The following SIPA1L2 variants were observed in gnomAD, a reference collection of about 807,000 sequenced individuals.
SIPA1L2 encodes signal induced proliferation associated 1 like 2.
In SIPA1L2, 56 loss-of-function variants were observed where a neutral mutation model predicts 163.9. That is an observed-to-expected ratio of 0.34 (90% CI 0.28 to 0.43). The LOEUF is 0.43. SIPA1L2 is among the 20% of genes least tolerant of loss of function. The pLI, the probability that SIPA1L2 is intolerant of heterozygous loss-of-function variation, is 1.00. For synonymous variants in SIPA1L2, 877 were observed against 865.7 expected, an observed-to-expected ratio of 1.01 and a Z score of -0.23; for missense variants, 1,974 against 2,193.5, an observed-to-expected ratio of 0.90 and a Z score of 2.00.
At chr1:232,610,034 C>T (rs887602078) in intron 1 of SIPA1L2, among the ~76,000 whole-genome samples, 2 of 152,072 alleles carry the variant, frequency 1.3e-5, no homozygotes, top group African/African-American at 4.8e-5. Context: ...CTTTATTCAT[C>T]TCTGATATGC....
At chr1:232,450,314 T>C (rs1663495839) in intron 10 of SIPA1L2, among the ~76,000 whole-genome samples, 1 of 152,254 alleles carries the variant, frequency 6.6e-6, no homozygotes, top group Non-Finnish European at 1.5e-5. Flanking sequence ...GTTTTGTTCA[T>C]GGATTTATAT....
Position 232,550,575 on chromosome 1 carries a change from C to A in SIPA1L2, c.-270+23599G>T, listed in dbSNP as rs1658316614. 2.6e-5 allele frequency among the ~76,000 whole-genome samples: 4 copies of A among 152,164 alleles called. No homozygotes were observed. In the South Asian group the frequency reaches 6.2e-4, roughly 24 times the overall value. On this transcript the variant is annotated intron_variant, in intron 2 of 22. Transcript: ENST00000674635. Reference sequence around the variant, plus strand: ...AAACAGCTGATTCTGCCTTTTGGAGCATTAATAATTGTGGCTGTTTTTGCT... The same window carrying A: ...AAACAGCTGATTCTGCCTTTTGGAGAATTAATAATTGTGGCTGTTTTTGCT...
chr1:232,455,406 G>A (rs1425580104), intron 10 of SIPA1L2, among the ~76,000 whole-genome samples: 1 of 152,176 alleles, frequency 6.6e-6, no homozygotes, highest in East Asian at 1.9e-4. Flanking sequence ...GGTTGGCCGG[G>A]TGCCGTGGCT....
At chr1:232,571,254 C>T (rs1259194487) in intron 2 of SIPA1L2, among the ~76,000 whole-genome samples, 5 of 152,170 alleles carry the variant, frequency 3.3e-5, no homozygotes, top group African/African-American at 7.2e-5. Flanking sequence ...AACGATAAAA[C>T]ACTTTTTTTA....
At chr1:232,488,228 C>T (rs1222309703) in intron 5 of SIPA1L2, among the ~76,000 whole-genome samples, 1 of 152,164 alleles carries the variant, frequency 6.6e-6, no homozygotes, top group African/African-American at 2.4e-5. Context: ...GCTGAGATTA[C>T]AGGCATGAGC....
intron 2 of SIPA1L2, among the ~76,000 whole-genome samples, chr1:232,566,145 G>A (rs916054009): frequency 6.6e-6 from 1 of 151,796 alleles, no homozygotes; most frequent in African/African-American, 2.4e-5. Context: ...TTAGACCACT[G>A]CTTAAAATAA....
intron 1 of SIPA1L2, among the ~76,000 whole-genome samples, chr1:232,600,612 A>G (rs898375840): frequency 1.3e-5 from 2 of 152,214 alleles, no homozygotes. Flanking sequence ...TCTAAAAAAG[A>G]TAATAACCTA....
chr1:232,470,356 A>T (rs1194258368), intron 8 of SIPA1L2, among the ~76,000 whole-genome samples: 3 of 152,200 alleles, frequency 2.0e-5, no homozygotes, highest in African/African-American at 7.2e-5. Flanking sequence ...GGCTATGTTT[A>T]ATAAGGCGAC....
At chr1:232,509,510 T>C (rs1666883934) in intron 3 of SIPA1L2, among the ~76,000 whole-genome samples, 2 of 152,146 alleles carry the variant, frequency 1.3e-5, no homozygotes, top group Admixed American at 1.3e-4. Flanking sequence ...AAAAAAGCTA[T>C]CTCAAAAACA....
At chr1:232,461,364 T>C (rs1664226127) in intron 9 of SIPA1L2, among the ~76,000 whole-genome samples, 1 of 152,232 alleles carries the variant, frequency 6.6e-6, no homozygotes, top group African/African-American at 2.4e-5. Flanking sequence ...CAATTAACAT[T>C]TGCATCAAGT....
chr1:232,483,247 A>C (rs1665457598), intron 6 of SIPA1L2, among the ~76,000 whole-genome samples: 1 of 138,120 alleles, frequency 7.2e-6, no homozygotes, highest in African/African-American at 2.7e-5. Flanking sequence ...AAGATGCATC[A>C]GCTTTTTTTT....
chr1:232,569,905 T>C lies in SIPA1L2; in HGVS notation c.-270+4269A>G, dbSNP rs372973649. 5.9e-5 allele frequency among the ~76,000 whole-genome samples: 9 copies of C among 152,130 alleles called. No homozygotes were observed. The East Asian group carries it at 1.5e-3, about 26-fold the overall frequency. On this transcript the variant is annotated intron_variant, in intron 2 of 22. Transcript: ENST00000674635. ...TGGCCTTACGAAACTGACCATAAAATAAAAAAGTGCAGGATCAAAAGCAAG... is the reference window on the plus strand; with the variant it reads ...TGGCCTTACGAAACTGACCATAAAACAAAAAAGTGCAGGATCAAAAGCAAG...
At chr1:232,433,674 T>C (rs543540177) in intron 15 of SIPA1L2, among the ~76,000 whole-genome samples, 1 of 152,338 alleles carries the variant, frequency 6.6e-6, no homozygotes, top group African/African-American at 2.4e-5. Flanking sequence ...CCACCAGAAA[T>C]ATCTTTTTCT....
chr1:232,592,356 C>G (rs1661012681), intron 1 of SIPA1L2, among the ~76,000 whole-genome samples: 1 of 152,150 alleles, frequency 6.6e-6, no homozygotes, highest in African/African-American at 2.4e-5. Context: ...CAGAGGTAAA[C>G]ACATCTCAAC....
chr1:232,469,872 G>T (rs68164609), intron 8 of SIPA1L2, among the ~76,000 whole-genome samples: 1 of 149,550 alleles, frequency 6.7e-6, no homozygotes, highest in African/African-American at 2.5e-5. Flanking sequence ...AATTAAAACC[G>T]GAAAACCTAA....
At chr1:232,603,387 G>C (rs1661711070) in intron 1 of SIPA1L2, among the ~76,000 whole-genome samples, 2 of 150,448 alleles carry the variant, frequency 1.3e-5, no homozygotes, top group African/African-American at 2.4e-5. Context: ...AAGATCATGA[G>C]ACCCCAGTGT....
chr1:232,447,575 C>A (rs1663293169), intron 10 of SIPA1L2, among the ~76,000 whole-genome samples: 1 of 152,252 alleles, frequency 6.6e-6, no homozygotes, highest in Non-Finnish European at 1.5e-5. Context: ...AAGGAAGGCA[C>A]CTTTCTGACA....
At chr1:232,426,568 G>C (rs1208897038) in intron 17 of SIPA1L2, among the ~76,000 whole-genome samples, 2 of 152,162 alleles carry the variant, frequency 1.3e-5, no homozygotes, top group African/African-American at 4.8e-5. Flanking sequence ...GCTGAGGCAG[G>C]AGAATGGCAT....
intron 2 of SIPA1L2, among the ~76,000 whole-genome samples, chr1:232,535,779 T>G (rs1281935316): frequency 1.3e-5 from 2 of 152,186 alleles, no homozygotes; most frequent in African/African-American, 4.8e-5. Flanking sequence ...CAAGTTACTT[T>G]GTGAGGTATG....
Sources: allele counts gnomAD v4.1 joint callset (sites outside exome capture counted in the v4.1 genomes callset), GRCh38; gene constraint gnomAD v4.1.1; transcripts MANE v1.5; gene names NCBI Gene and HGNC (gene_info 2026-07-23, HGNC 2026-07-21).